Variants in LTBP1 observed in about 807,000 individuals in gnomAD.
LTBP1 encodes the protein latent-transforming growth factor beta-binding protein 1.
In LTBP1, 129 loss-of-function variants were observed where a neutral mutation model predicts 207.6. The observed-to-expected ratio is 0.62, with a 90% CI of 0.54 to 0.72. LTBP1 has a LOEUF of 0.72. LTBP1 is among the 30% of genes least tolerant of loss of function. The pLI is 0.00. For synonymous variants in LTBP1, 963 were observed against 833.7 expected (o/e 1.16, Z -2.67); for missense variants, 2,281 against 2,217.2 (o/e 1.03, Z -0.58).
intron 10 of LTBP1, among the ~76,000 whole-genome samples, chr2:33,244,513 A>C (rs1027263937): frequency 6.6e-6 from 1 of 152,216 alleles, no homozygotes; most frequent in Non-Finnish European, 1.5e-5. Context: ...AATCCATGTA[A>C]TCACTACAGA....
chr2:33,073,169 G>A (rs1420962023), intron 3 of LTBP1, among the ~76,000 whole-genome samples: 1 of 152,194 alleles, frequency 6.6e-6, no homozygotes, highest in Non-Finnish European at 1.5e-5. Flanking sequence ...ATGAGAAGGT[G>A]CAGAGAGCTA....
At chr2:33,261,714 G>A (rs1289579323) in intron 13 of LTBP1, among the ~76,000 whole-genome samples, 2 of 152,186 alleles carry the variant, frequency 1.3e-5, no homozygotes, top group African/African-American at 4.8e-5. Flanking sequence ...GATGGTTTTG[G>A]AAGGGTAGGC....
chr2:32,972,694 T>C (rs990915035), intron 2 of LTBP1, among the ~76,000 whole-genome samples: 2 of 152,186 alleles, frequency 1.3e-5, no homozygotes, highest in Non-Finnish European at 1.5e-5. Context: ...TCTCCCATGC[T>C]GTTCTTGTGA....
chr2:33,167,042 A>G (rs934144329), intron 5 of LTBP1, among the ~76,000 whole-genome samples: 1 of 152,176 alleles, frequency 6.6e-6, no homozygotes, highest in African/African-American at 2.4e-5. Context: ...GACCCTACAC[A>G]TGACACCACC....
chr2:33,169,518 A>G (rs542381018), intron 5 of LTBP1, among the ~76,000 whole-genome samples: 31 of 152,354 alleles, frequency 2.0e-4, no homozygotes, highest in South Asian at 1.2e-3. Context: ...TAATTAAGCA[A>G]GAAAGAGAAG....
At chr2:33,068,230 A>C (rs960333346) in intron 3 of LTBP1, among the ~76,000 whole-genome samples, 2 of 152,090 alleles carry the variant, frequency 1.3e-5, no homozygotes, top group African/African-American at 4.8e-5. Flanking sequence ...GAGTGCAGTT[A>C]CTAAGTCATG....
intron 9 of LTBP1, among the ~76,000 whole-genome samples, chr2:33,225,390 A>G (rs2091375562): frequency 6.6e-6 from 1 of 152,232 alleles, no homozygotes; most frequent in South Asian, 2.1e-4. Context: ...TGGGCATTTT[A>G]CAAAAGAAAG....
intron 31 of LTBP1, among the ~76,000 whole-genome samples, chr2:33,366,672 A>G (rs1386502211): frequency 1.3e-5 from 2 of 152,240 alleles, no homozygotes; most frequent in Non-Finnish European, 2.9e-5. Context: ...TTCACCCTGT[A>G]CAGCTCATTT....
chr2:33,392,720 A>C (rs73929416), intron 32 of LTBP1, among the ~76,000 whole-genome samples: 38 of 152,244 alleles, frequency 2.5e-4, no homozygotes, highest in Admixed American at 1.0e-3. Flanking sequence ...GGGAGTTTCA[A>C]GTTTTACTTT....
At chr2:33,081,191 T>G (rs2078375975) in intron 3 of LTBP1, among the ~76,000 whole-genome samples, 1 of 152,152 alleles carries the variant, frequency 6.6e-6, no homozygotes, top group Admixed American at 6.5e-5. Context: ...AATGTTTCTT[T>G]CCTCTGGGTA....
At chr2:33,297,927 C>G (rs190265867) in intron 20 of LTBP1, among the ~76,000 whole-genome samples, 79 of 152,158 alleles carry the variant, frequency 5.2e-4, no homozygotes, top group African/African-American at 1.7e-3. Context: ...GAGTATAGGC[C>G]AGAATCCTGT....
intron 31 of LTBP1, among the ~76,000 whole-genome samples, chr2:33,387,736 G>T (rs200436614): frequency 8.0e-4 from 118 of 147,892 alleles, no homozygotes; most frequent in East Asian, 5.1e-3. Context: ...CCTTGGTGGG[G>T]TTTTTTTTTT....
chr2:33,180,438 T>G (rs1357533666), intron 5 of LTBP1, among the ~76,000 whole-genome samples: 1 of 149,564 alleles, frequency 6.7e-6, no homozygotes, highest in African/African-American at 2.5e-5. Flanking sequence ...GGTTTGGTTT[T>G]GTGTAGCGTG....
At chr2:33,278,059 C>G (rs893097802) in intron 18 of LTBP1, among the ~76,000 whole-genome samples, 2 of 151,452 alleles carry the variant, frequency 1.3e-5, no homozygotes, top group South Asian at 4.2e-4. Flanking sequence ...GTCTCGATCT[C>G]CTGACCTCGT....
intron 9 of LTBP1, among the ~76,000 whole-genome samples, chr2:33,233,585 A>G (rs2149596028): frequency 6.6e-6 from 1 of 152,238 alleles, no homozygotes; most frequent in South Asian, 2.1e-4. Flanking sequence ...ACTTTGAATC[A>G]GAAGTTTATT....
rs770552360 is a variant in LTBP1, at chr2:33,273,770, G to T, written c.2732G>T (p.Arg911Met). The T allele has an allele frequency of 1.9e-6, 3 of 1,601,406 alleles. No homozygotes were observed. The South Asian group carries it at 3.4e-5, about 18-fold the overall frequency. The change falls in exon 16 of 34, where the codon AGG (arginine) becomes ATG (methionine). Residue 911 changes from arginine to methionine, a missense_variant. Arg to Met is a moderately conservative substitution (Grantham distance 91). This residue lies in a region of LTBP1 where 1,671 missense variants were observed against 1,634.8 expected (regional missense o/e 1.02). Coordinates refer to ENST00000404816, the MANE Select transcript of LTBP1 (RefSeq NM_206943.4). ...GGCTACAGGTTCAGTGAACAACAGA[G>T]GAAATGTGTGGGTAAGAGACAATTT... ...YEGYRFSEQQRKCVDIDECTQ... is the reference protein window; with the variant it reads ...YEGYRFSEQQMKCVDIDECTQ...
chr2:33,393,868 C>G (rs2095337512), intron 32 of LTBP1, among the ~76,000 whole-genome samples: 3 of 152,182 alleles, frequency 2.0e-5, no homozygotes, highest in Non-Finnish European at 1.5e-5. Context: ...AATCGCCACA[C>G]TGTCTTCCAC....
intron 10 of LTBP1, 45 bp from the exon 11 acceptor site, chr2:33,252,632 G>A (rs761542342): frequency 6.5e-7 from 1 of 1,545,630 alleles, no homozygotes; most frequent in South Asian, 1.2e-5. Context: ...AGCCAATGTA[G>A]TTTTGGTTTC....
At chr2:33,197,016 C>T (rs1226981969) in intron 7 of LTBP1, among the ~76,000 whole-genome samples, 2 of 152,194 alleles carry the variant, frequency 1.3e-5, no homozygotes, top group Non-Finnish European at 2.9e-5. Context: ...GAATGCCAAC[C>T]TGTAGGGAAA....
Sources: allele counts gnomAD v4.1 joint callset (sites outside exome capture counted in the v4.1 genomes callset), GRCh38; gene constraint gnomAD v4.1.1; regional missense constraint gnomAD v4.1.1; transcripts MANE v1.5; gene names NCBI Gene and HGNC (gene_info 2026-07-23, HGNC 2026-07-21).